CAST: variants seen among roughly 807,000 people sequenced by gnomAD.
The protein encoded by CAST is MIR583 host.
Under a neutral mutation model 119.6 loss-of-function variants are expected in CAST, and 76 were observed. That is an observed-to-expected ratio of 0.64 (90% CI 0.53 to 0.77). CAST has a LOEUF of 0.77. Ranked by LOEUF, CAST falls within the 30% of genes least tolerant of loss-of-function variation. CAST has a pLI of 0.00. For missense variants in CAST, 953 were observed against 946.5 expected, an observed-to-expected ratio of 1.01 and a Z score of -0.09; for synonymous variants, 319 against 331.6, an observed-to-expected ratio of 0.96 and a Z score of 0.41.
At chr5:96,129,509 T>A in the CAST span, among the ~76,000 whole-genome samples, 5 of 152,096 alleles carry the variant, frequency 3.3e-5, no homozygotes, top group African/African-American at 1.2e-4. Context: ...GGAATTACAA[T>A]AGGACAGACA....
intron 10 of CAST, among the ~76,000 whole-genome samples, chr5:96,737,001 A>G (rs1341385840): frequency 1.3e-5 from 2 of 152,200 alleles, no homozygotes; most frequent in African/African-American, 4.8e-5. Context: ...CAGGAGAGAG[A>G]GCATGTGAAG....
chr5:96,739,039 A>G (rs557050872), intron 11 of CAST, among the ~76,000 whole-genome samples: 1 of 152,308 alleles, frequency 6.6e-6, no homozygotes. Flanking sequence ...AAAACAGAAA[A>G]AGACAACCCA....
the CAST span, among the ~76,000 whole-genome samples, chr5:96,023,818 G>A: frequency 9.2e-5 from 14 of 151,808 alleles, no homozygotes; most frequent in Admixed American, 7.2e-4. Flanking sequence ...AATAAGACAT[G>A]CAACATGATA....
chr5:96,599,340 G>T (rs1328470558), intron 1 of CAST, among the ~76,000 whole-genome samples: 1 of 152,142 alleles, frequency 6.6e-6, no homozygotes, highest in African/African-American at 2.4e-5. Context: ...ATCAATGCAG[G>T]TGGTATGATT....
the CAST span, among the ~76,000 whole-genome samples, chr5:95,976,616 T>C: frequency 2.0e-5 from 3 of 152,196 alleles, no homozygotes; most frequent in Non-Finnish European, 4.4e-5. Context: ...ATTTATTTAT[T>C]GGTTTTGACA....
At chr5:96,222,745 T>A in the CAST span, among the ~76,000 whole-genome samples, 1 of 151,944 alleles carries the variant, frequency 6.6e-6, no homozygotes, top group African/African-American at 2.4e-5. Flanking sequence ...GACCCAGCAA[T>A]CCCTCCCCTC....
chr5:96,443,667 C>A, the CAST span, among the ~76,000 whole-genome samples: 1 of 152,190 alleles, frequency 6.6e-6, no homozygotes, highest in East Asian at 1.9e-4. Flanking sequence ...GATGCCCTGG[C>A]CCTAAGCCCA....
chr5:96,035,155 AC>A, the CAST span, among the ~76,000 whole-genome samples: 1 of 144,624 alleles, frequency 6.9e-6, no homozygotes, highest in South Asian at 2.1e-4. Context: ...TTTTATATAT[AC>A]TTCAAAATAT....
At chr5:96,379,575 A>T in the CAST span, 2 of 152,314 alleles carry the variant, frequency 1.3e-5, no homozygotes, top group South Asian at 4.1e-4. Context: ...GGGCCAGAGG[A>T]TCTACTACCA....
chr5:96,433,184 G>T, the CAST span: 1 of 791,672 alleles, frequency 1.3e-6, no homozygotes, highest in Non-Finnish European at 2.1e-6. Flanking sequence ...AGAGCTAGGA[G>T]GCGCGAGAGG....
chr5:96,190,136 A>T, the CAST span, among the ~76,000 whole-genome samples: 1 of 152,130 alleles, frequency 6.6e-6, no homozygotes, highest in Non-Finnish European at 1.5e-5. Flanking sequence ...AGGGCTTAGT[A>T]TGCAGAATTT....
the CAST span, chr5:96,215,055 T>C: frequency 7.2e-5 from 11 of 152,046 alleles, no homozygotes; most frequent in Admixed American, 7.2e-4. Flanking sequence ...GCAAGAGGGA[T>C]TGCAGAGAAG....
upstream of CAST, among the ~76,000 whole-genome samples, chr5:96,526,064 G>T (rs1745593912): frequency 6.6e-6 from 1 of 152,134 alleles, no homozygotes; most frequent in South Asian, 2.1e-4. Flanking sequence ...TCATAACTGG[G>T]TTTCAAATAA....
At chr5:96,330,829 A>G in the CAST span, among the ~76,000 whole-genome samples, 1 of 152,142 alleles carries the variant, frequency 6.6e-6, no homozygotes, top group South Asian at 2.1e-4. Flanking sequence ...AAGGTAGCCC[A>G]TTATGTATGA....
At chr5:96,422,834 C>T in the CAST span, among the ~76,000 whole-genome samples, 38 of 152,228 alleles carry the variant, frequency 2.5e-4, no homozygotes, top group African/African-American at 8.4e-4. Context: ...TTCTAGAAAA[C>T]TTTTCCTTTC....
intron 1 of CAST, chr5:96,663,100 C>T (rs930938805): frequency 2.7e-5 from 19 of 702,246 alleles, no homozygotes; most frequent in Non-Finnish European, 4.2e-5. Flanking sequence ...CTCGCCGGCT[C>T]CCCCGCCGTG....
intron 1 of CAST, among the ~76,000 whole-genome samples, chr5:96,598,329 A>G (rs1747089398): frequency 6.6e-6 from 1 of 152,170 alleles, no homozygotes; most frequent in Admixed American, 6.5e-5. Context: ...AGGACCCCCA[A>G]GTCTGCCCAA....
At chr5:95,987,437 G>A in the CAST span, among the ~76,000 whole-genome samples, 16 of 152,072 alleles carry the variant, frequency 1.1e-4, no homozygotes, top group Non-Finnish European at 2.9e-5. Context: ...GGGAAATTTC[G>A]GAGATATGCA....
At chr5:96,165,264 G>A in the CAST span, among the ~76,000 whole-genome samples, 1 of 152,104 alleles carries the variant, frequency 6.6e-6, no homozygotes, top group African/African-American at 2.4e-5. Flanking sequence ...GGATAGAGCT[G>A]GAGCCTTAGC....
Sources: allele counts gnomAD v4.1 joint callset (sites outside exome capture counted in the v4.1 genomes callset), GRCh38; gene constraint gnomAD v4.1.1; transcripts MANE v1.5; gene names NCBI Gene and HGNC (gene_info 2026-07-23, HGNC 2026-07-21).